RBMS3: variants seen among roughly 807,000 people sequenced by gnomAD.
RBMS3 encodes RNA binding motif single stranded interacting protein 3.
RBMS3 carries 27 observed loss-of-function variants against 66.8 expected under a neutral mutation model. The observed-to-expected ratio is 0.40, with a 90% CI of 0.30 to 0.56. RBMS3 has a LOEUF of 0.56. RBMS3 is among the 20% of genes least tolerant of loss of function. RBMS3 has a pLI of 0.40. For synonymous variants in RBMS3, 188 were observed against 183.0 expected (o/e 1.03, Z -0.22); for missense variants, 513 against 549.5 (o/e 0.93, Z 0.66).
intron 12 of RBMS3, among the ~76,000 whole-genome samples, chr3:29,985,992 C>T (rs1386283171): frequency 1.3e-5 from 2 of 152,082 alleles, no homozygotes; most frequent in African/African-American, 4.8e-5. Flanking sequence ...TGGGGATGGA[C>T]CAGAGTAGTA....
chr3:29,706,902 G>A (rs1559591382), intron 4 of RBMS3, among the ~76,000 whole-genome samples: 1 of 152,152 alleles, frequency 6.6e-6, no homozygotes, highest in South Asian at 2.1e-4. Context: ...GGAAGGAAAG[G>A]AAATACAGAC....
intron 12 of RBMS3, among the ~76,000 whole-genome samples, chr3:29,954,068 A>C (rs1695866461): frequency 6.6e-6 from 1 of 151,704 alleles, no homozygotes; most frequent in Admixed American, 6.6e-5. Context: ...CACCTTATTC[A>C]ATATATATTT....
intron 1 of RBMS3, among the ~76,000 whole-genome samples, chr3:29,324,222 T>C (rs1479233240): frequency 6.6e-6 from 1 of 152,202 alleles, no homozygotes; most frequent in Non-Finnish European, 1.5e-5. Flanking sequence ...AGGACCCAGT[T>C]AGAACCAGCA....
chr3:29,339,405 G>A (rs1365777793), intron 1 of RBMS3, among the ~76,000 whole-genome samples: 1 of 152,052 alleles, frequency 6.6e-6, no homozygotes, highest in African/African-American at 2.4e-5. Context: ...GCAGGTCCTC[G>A]CAGATGTGGA....
intron 1 of RBMS3, among the ~76,000 whole-genome samples, chr3:29,300,912 G>A (rs765153236): frequency 6.6e-6 from 1 of 151,898 alleles, no homozygotes; most frequent in Non-Finnish European, 1.5e-5. Context: ...GAAACAGAAA[G>A]TTAACATTTA....
chr3:29,933,322 T>G (rs1194661185), intron 10 of RBMS3, among the ~76,000 whole-genome samples: 2 of 152,158 alleles, frequency 1.3e-5, no homozygotes, highest in African/African-American at 2.4e-5. Context: ...TTGTATTTAT[T>G]TATTTATGTC....
intron 3 of RBMS3, among the ~76,000 whole-genome samples, chr3:29,537,890 A>G (rs923166934): frequency 6.6e-6 from 1 of 151,836 alleles, no homozygotes; most frequent in African/African-American, 2.4e-5. Context: ...AATCTTTTCC[A>G]TTTCATCTTC....
intron 1 of RBMS3, among the ~76,000 whole-genome samples, chr3:29,413,491 T>G (rs976695079): frequency 6.6e-6 from 1 of 152,202 alleles, no homozygotes; most frequent in Non-Finnish European, 1.5e-5. Context: ...CAGATAATGA[T>G]GTGTATGTAT....
At chr3:29,429,330 T>C (rs1019036649) in intron 1 of RBMS3, among the ~76,000 whole-genome samples, 2 of 152,210 alleles carry the variant, frequency 1.3e-5, no homozygotes, top group African/African-American at 4.8e-5. Flanking sequence ...TCACAATGGA[T>C]GCCAATTCAT....
rs76436712 is a variant in RBMS3 at position 29,731,802 on chromosome 3, T to C, written c.400-7918T>C. ...CTTCAGAGAAACAGAACCAATAGGATGTCTCTACCTCACTCCCTCTCGTGC... is the reference window on the plus strand; with the variant it reads ...CTTCAGAGAAACAGAACCAATAGGACGTCTCTACCTCACTCCCTCTCGTGC... On this transcript the variant is annotated intron_variant, in intron 4 of 14. Coordinates refer to ENST00000383767, the MANE Select transcript of RBMS3 (RefSeq NM_001003793.3). 6.0e-3 allele frequency among the ~76,000 whole-genome samples: 907 copies of C among 152,170 alleles called. 12 individuals carry two copies. Among genetic ancestry groups the C allele is most frequent in the African/African-American group, 0.021 (873 of 41,524 alleles).
At chr3:29,336,048 T>C (rs2035929276) in intron 1 of RBMS3, among the ~76,000 whole-genome samples, 1 of 152,170 alleles carries the variant, frequency 6.6e-6, no homozygotes, top group South Asian at 2.1e-4. Context: ...AACCAGATCT[T>C]TTGCATCCCA....
intron 1 of RBMS3, among the ~76,000 whole-genome samples, chr3:29,301,005 G>T (rs574317894): frequency 6.6e-6 from 1 of 152,050 alleles, no homozygotes; most frequent in East Asian, 2.0e-4. Flanking sequence ...GGTGGTAGAT[G>T]ATATGAAGAT....
intron 3 of RBMS3, among the ~76,000 whole-genome samples, chr3:29,492,878 A>C (rs1344658238): frequency 6.6e-6 from 1 of 152,228 alleles, no homozygotes; most frequent in Non-Finnish European, 1.5e-5. Flanking sequence ...CATGTAGGCC[A>C]TTCATGCTGT....
At chr3:29,880,626 C>A (rs1220641212) in intron 7 of RBMS3, among the ~76,000 whole-genome samples, 1 of 152,080 alleles carries the variant, frequency 6.6e-6, no homozygotes, top group Non-Finnish European at 1.5e-5. Context: ...AAGTGGAAAC[C>A]AGGTGTATCC....
At chr3:29,491,465 A>G (rs973282911) in intron 3 of RBMS3, among the ~76,000 whole-genome samples, 5 of 152,246 alleles carry the variant, frequency 3.3e-5, no homozygotes, top group Non-Finnish European at 4.4e-5. Context: ...TGAACATTAC[A>G]TATTAATATA....
At chr3:29,720,158 A>T (rs1371846) in intron 4 of RBMS3, among the ~76,000 whole-genome samples, 1 of 151,980 alleles carries the variant, frequency 6.6e-6, no homozygotes, top group Non-Finnish European at 1.5e-5. Flanking sequence ...CCCAGGATGC[A>T]GGAAGCTCTT....
intron 11 of RBMS3, among the ~76,000 whole-genome samples, chr3:29,936,806 T>C (rs890773499): frequency 6.6e-6 from 1 of 152,062 alleles, no homozygotes; most frequent in African/African-American, 2.4e-5. Flanking sequence ...AAAATGCCTA[T>C]TGCAGCCTGG....
At chr3:29,399,041 G>A (rs1219532973) in intron 1 of RBMS3, among the ~76,000 whole-genome samples, 1 of 152,140 alleles carries the variant, frequency 6.6e-6, no homozygotes, top group Admixed American at 6.6e-5. Flanking sequence ...CAGTGTTTCT[G>A]GCTGAAGCTT....
intron 1 of RBMS3, among the ~76,000 whole-genome samples, chr3:29,289,323 A>T (rs2053225): frequency 0.039 from 5,894 of 151,968 alleles, 264 homozygotes; most frequent in Admixed American, 0.16. Flanking sequence ...TATTTACTTT[A>T]TTACAGACTC....
Sources: gnomAD v4.1 joint callset for allele counts (sites outside exome capture counted in the v4.1 genomes callset) on GRCh38, gnomAD v4.1.1 for gene constraint, MANE v1.5 for transcripts, NCBI Gene and HGNC (gene_info 2026-07-23, HGNC 2026-07-21) for gene names.